MYO16: variants seen among roughly 807,000 people sequenced by gnomAD.
The protein encoded by MYO16 is unconventional myosin-XVI.
A neutral mutation model predicts 205.3 loss-of-function variants in MYO16; 94 were observed. That is an observed-to-expected ratio of 0.46 (90% CI 0.39 to 0.54). The LOEUF (loss-of-function observed/expected upper bound fraction) is 0.54. MYO16 is among the 20% of genes least tolerant of loss of function. MYO16 has a pLI of 0.00. For synonymous variants in MYO16, 988 were observed against 954.0 expected, an observed-to-expected ratio of 1.04 and a Z score of -0.66; for missense variants, 2,315 against 2,387.5, an observed-to-expected ratio of 0.97 and a Z score of 0.63.
At chr13:108,806,288 A>G (rs1270293156) in intron 6 of MYO16, among the ~76,000 whole-genome samples, 5 of 152,242 alleles carry the variant, frequency 3.3e-5, no homozygotes, top group Non-Finnish European at 5.9e-5. Context: ...ATCACTTTCT[A>G]TAGCACTAAT....
chr13:108,834,322 T>C (rs1299286096), intron 9 of MYO16, among the ~76,000 whole-genome samples: 2 of 152,150 alleles, frequency 1.3e-5, no homozygotes, highest in Non-Finnish European at 2.9e-5. Flanking sequence ...CTGGGAAATA[T>C]GTGGGCTATG....
chr13:109,072,623 C>T (rs1401252420), intron 27 of MYO16, among the ~76,000 whole-genome samples: 1 of 151,542 alleles, frequency 6.6e-6, no homozygotes, highest in Admixed American at 6.6e-5. Flanking sequence ...TCACACAACC[C>T]AAGCATTCTT....
In MYO16 at chr13:108,806,751, A is replaced by G. The variant is rs1271924554; in HGVS notation, c.814A>G (p.Ile272Val). The change falls in exon 7 of 35, where the codon ATA (isoleucine) becomes GTA (valine). Residue 272 changes from isoleucine (I) to valine (V), a missense_variant. Coordinates refer to ENST00000457511, the MANE Select transcript of MYO16 (RefSeq NM_001198950.3). The part of the protein sequence containing the change: ...LILEHGGDLN[I>V]VDDQYWTPLH... ...CCTGGAACATGGTGGAGACCTCAAC[A>G]TAGTAGATGATCAGTACTGGACTCC... 8 of 1,613,182 alleles carry G rather than the reference A, an allele frequency of 5.0e-6. No individual in the cohort carries two copies. Among genetic ancestry groups the G allele is most frequent in the South Asian group, 1.1e-5 (1 of 91,036 alleles).
At chr13:109,191,136 T>C (rs894096753) in intron 34 of MYO16, among the ~76,000 whole-genome samples, 2 of 152,178 alleles carry the variant, frequency 1.3e-5, no homozygotes, top group Non-Finnish European at 2.9e-5. Flanking sequence ...GGAGAATCAC[T>C]TGAACCCCAG....
intron 5 of MYO16, among the ~76,000 whole-genome samples, 198 bp downstream of exon 5, chr13:108,785,941 G>A (rs1886445456): frequency 6.6e-6 from 1 of 152,056 alleles, no homozygotes; most frequent in Admixed American, 6.5e-5. Context: ...TGGTTTTTTT[G>A]CAAGCCAGCA....
At position 108,746,212 on chromosome 13, in the gene MYO16, TAAATAAA is replaced by T. The variant is rs532055635; in HGVS notation, c.507+18645_507+18651del. 1.4e-3 allele frequency among the ~76,000 whole-genome samples: 211 copies of T among 151,566 alleles called. 1 individual carries two copies. In the East Asian group the frequency reaches 0.016, roughly 12 times the overall value. ...CATCTCAAAGAAATAAAATAAAAGA[TAAATAAA>T]AAATAAAAAATAAAATAAAAATGAA... is the stretch of plus-strand genomic sequence containing the variant. On this transcript the variant is annotated intron_variant, in intron 4 of 34. Coordinates refer to ENST00000457511, the MANE Select transcript of MYO16 (RefSeq NM_001198950.3).
At chr13:108,673,343 C>G (rs1202661469) in intron 2 of MYO16, among the ~76,000 whole-genome samples, 3 of 149,676 alleles carry the variant, frequency 2.0e-5, no homozygotes. Flanking sequence ...TTTCCCTGAT[C>G]AATCCCTCCC....
the MYO16 span, among the ~76,000 whole-genome samples, chr13:108,581,172 A>G: frequency 6.6e-6 from 1 of 152,200 alleles, no homozygotes; most frequent in Non-Finnish European, 1.5e-5. Context: ...AGAAAAGTGA[A>G]AAGCGATATA....
At chr13:109,015,716 C>A (rs992919182) in intron 22 of MYO16, among the ~76,000 whole-genome samples, 2 of 152,134 alleles carry the variant, frequency 1.3e-5, no homozygotes, top group African/African-American at 4.8e-5. Context: ...AGGAATTTAT[C>A]CATTTCTTCT....
At chr13:108,559,598 C>T in the MYO16 span, among the ~76,000 whole-genome samples, 4 of 151,080 alleles carry the variant, frequency 2.6e-5, no homozygotes, top group African/African-American at 4.9e-5. Context: ...CACAGCCTCC[C>T]GAGTAGCTGG....
chr13:109,087,167 G>T (rs1403920379), intron 27 of MYO16, among the ~76,000 whole-genome samples: 4 of 152,196 alleles, frequency 2.6e-5, no homozygotes, highest in Non-Finnish European at 5.9e-5. Context: ...CAGCCATGTG[G>T]TCTCAGCACC....
intron 27 of MYO16, among the ~76,000 whole-genome samples, chr13:109,083,764 C>T (rs916464799): frequency 6.6e-6 from 1 of 152,072 alleles, no homozygotes; most frequent in Admixed American, 6.6e-5. Context: ...CAGATAATTG[C>T]ACTTGGTGGG....
intron 21 of MYO16, among the ~76,000 whole-genome samples, chr13:108,993,634 T>C (rs1253509656): frequency 6.6e-6 from 1 of 152,184 alleles, no homozygotes; most frequent in Non-Finnish European, 1.5e-5. Flanking sequence ...AATAGATCTC[T>C]TCTCCTTTCA....
chr13:109,096,296 C>T (rs1316678729), intron 27 of MYO16, among the ~76,000 whole-genome samples: 1 of 152,206 alleles, frequency 6.6e-6, no homozygotes, highest in East Asian at 1.9e-4. Context: ...ACTGACACCT[C>T]TGCCTGCATC....
intron 16 of MYO16, among the ~76,000 whole-genome samples, chr13:108,950,318 A>G (rs986723465): frequency 1.3e-4 from 20 of 152,226 alleles, no homozygotes; most frequent in African/African-American, 4.6e-4. Flanking sequence ...ATATATAAAC[A>G]GCACTCCAAA....
chr13:109,077,639 G>A (rs78979455), intron 27 of MYO16, among the ~76,000 whole-genome samples: 472 of 152,180 alleles, frequency 3.1e-3, no homozygotes, highest in African/African-American at 0.01. Context: ...CTTCTGTCTT[G>A]CACTTTTTCC....
At chr13:108,721,506 C>T (rs935207459) in intron 3 of MYO16, among the ~76,000 whole-genome samples, 2 of 152,054 alleles carry the variant, frequency 1.3e-5, no homozygotes. Flanking sequence ...TTTTGGGGAT[C>T]TTATGTGGAG....
chr13:109,090,168 CAT>C (rs1888574794), intron 27 of MYO16, among the ~76,000 whole-genome samples: 1 of 152,190 alleles, frequency 6.6e-6, no homozygotes, highest in Admixed American at 6.5e-5. Flanking sequence ...CTGGAATTGT[CAT>C]AGTGATAATG....
chr13:108,892,113 T>C (rs1430457980), intron 14 of MYO16, among the ~76,000 whole-genome samples: 1 of 152,234 alleles, frequency 6.6e-6, no homozygotes, highest in African/African-American at 2.4e-5. Flanking sequence ...TCTGTAGACT[T>C]TTCTCTTTAA....
Sources: allele counts gnomAD v4.1 joint callset (sites outside exome capture counted in the v4.1 genomes callset), GRCh38; gene constraint gnomAD v4.1.1; transcripts MANE v1.5; gene names NCBI Gene and HGNC (gene_info 2026-07-23, HGNC 2026-07-21).